The following FRMD4A variants were observed in gnomAD, a reference collection of about 807,000 sequenced individuals.
The protein encoded by FRMD4A is FERM domain-containing protein 4A.
In FRMD4A, 29 loss-of-function variants were observed where a neutral mutation model predicts 129.1. The observed-to-expected ratio is 0.22, with a 90% confidence interval of 0.17 to 0.31. The LOEUF (loss-of-function observed/expected upper bound fraction) is 0.31, where lower values mean the gene tolerates loss of function less well. Among genes scored for constraint, FRMD4A ranks in the 10% least tolerant of loss-of-function variants. The pLI is 1.00. For synonymous variants in FRMD4A, 634 were observed against 571.6 expected (o/e 1.11, Z -1.56); for missense variants, 1,272 against 1,375.8 (o/e 0.92, Z 1.19).
intron 2 of FRMD4A, among the ~76,000 whole-genome samples, chr10:13,915,309 C>T (rs189743379): frequency 6.6e-5 from 10 of 151,824 alleles, no homozygotes; most frequent in African/African-American, 1.9e-4. Flanking sequence ...CGGTTTTCTT[C>T]GAGATTAGAT....
At chr10:14,146,506 T>C (rs1354522787) in intron 2 of FRMD4A, among the ~76,000 whole-genome samples, 4 of 152,228 alleles carry the variant, frequency 2.6e-5, no homozygotes, top group African/African-American at 4.8e-5. Context: ...TTACAACTGT[T>C]GATCCCCATC....
chr10:14,105,482 A>G (rs898277150), intron 2 of FRMD4A, among the ~76,000 whole-genome samples: 4 of 152,240 alleles, frequency 2.6e-5, no homozygotes, highest in African/African-American at 9.6e-5. Flanking sequence ...TGGAGTTACT[A>G]TAAATAATTT....
Position 13,747,748 on chromosome 10 carries a change from GA to G in FRMD4A, c.535del (p.Ser179ProfsTer16). On this transcript the variant is annotated frameshift_variant, in exon 9 of 25. Transcript: ENST00000357447. LOFTEE classifies it high-confidence loss of function. ...LPTQALKEHP[S>X]LAYCEDRVIE... ...CCAGGGGTCTTACCAGTAGGCCAGG[GA>G]AGGGTGCTCCTTCAGGGCTTGGGTG... The G allele has an allele frequency of 1.3e-6, 2 of 1,582,692 alleles. No homozygotes were observed. Among genetic ancestry groups the G allele is most frequent in the Non-Finnish European group, 8.7e-7 (1 of 1,151,588 alleles).
chr10:14,250,665 C>G (rs1449878713), intron 2 of FRMD4A, among the ~76,000 whole-genome samples: 1 of 152,160 alleles, frequency 6.6e-6, no homozygotes, highest in Admixed American at 6.5e-5. Context: ...CTCTTTTAAC[C>G]CAGTCCTTGG....
intron 2 of FRMD4A, among the ~76,000 whole-genome samples, chr10:14,307,004 T>C (rs1001665825): frequency 2.6e-5 from 4 of 152,166 alleles, no homozygotes; most frequent in Admixed American, 6.5e-5. Flanking sequence ...ACTCCTAACA[T>C]AGGAACCAGG....
rs140753134 is a variant in FRMD4A at position 14,086,295 on chromosome 10, G to A, written c.46-227383C>T. Among the ~76,000 whole-genome samples the A allele has an allele frequency of 7.2e-4, 110 of 152,278 alleles. 3 individuals carry two copies. Among genetic ancestry groups the A allele is most frequent in the Admixed American group, 6.5e-3 (99 of 15,290 alleles). The stretch of plus-strand genomic sequence containing the variant: ...GTACAAGCCCACTTGTATGCCTTCC[G>A]TAGACTGAACATGTAATTAATTTTG... On this transcript the variant is annotated intron_variant, in intron 2 of 24. Coordinates refer to ENST00000357447, the MANE Select transcript of FRMD4A (RefSeq NM_018027.5).
intron 2 of FRMD4A, among the ~76,000 whole-genome samples, chr10:14,302,030 C>T (rs146521950): frequency 5.3e-5 from 8 of 152,224 alleles, no homozygotes; most frequent in African/African-American, 1.9e-4. Context: ...GAAACCATCA[C>T]CTCAAGGTCC....
chr10:13,958,281 GTTTTT>G (rs35369777), intron 2 of FRMD4A, among the ~76,000 whole-genome samples: 3 of 104,660 alleles, frequency 2.9e-5, no homozygotes, highest in Admixed American at 2.5e-4. Context: ...CATGACCATT[GTTTTT>G]TTTTTTTTTT....
At chr10:13,957,385 C>A (rs2095416101) in intron 2 of FRMD4A, among the ~76,000 whole-genome samples, 1 of 152,180 alleles carries the variant, frequency 6.6e-6, no homozygotes, top group Non-Finnish European at 1.5e-5. Context: ...TCCCGTCTAG[C>A]TGGGACTACA....
At chr10:13,833,315 C>A (rs557260666) in intron 3 of FRMD4A, among the ~76,000 whole-genome samples, 1 of 152,310 alleles carries the variant, frequency 6.6e-6, no homozygotes, top group Admixed American at 6.5e-5. Context: ...TGCAGGGGAA[C>A]TCCCATTTAT....
At chr10:14,093,113 C>T (rs1042335518) in intron 2 of FRMD4A, among the ~76,000 whole-genome samples, 3 of 152,226 alleles carry the variant, frequency 2.0e-5, no homozygotes, top group East Asian at 1.9e-4. Context: ...GTACAGAGGC[C>T]GTGGAATGAC....
rs765447123 is a variant in FRMD4A, at chr10:13,656,668, G to C, written c.2921C>G (p.Thr974Ser). The C allele has an allele frequency of 6.6e-7, 1 of 1,515,526 alleles. No homozygotes were observed. The highest frequency in any genetic ancestry group is 2.6e-5 in the East Asian group (1 of 38,546). 93.9% of individuals were successfully genotyped at this position (1,515,526 alleles called of 1,614,324 possible). Reference protein sequence around the residue: ...QSTFVAHSRVTRMPQMCKATS... With the variant: ...QSTFVAHSRVSRMPQMCKATS... The stretch of plus-strand genomic sequence containing the variant: ...GGCCTTGCACATCTGGGGCATCCTG[G>C]TGACCCTGCTGTGCGCCACGAAGGT... The change falls in exon 22 of 25, where the codon ACC becomes AGC. Residue 974 changes from threonine (T) to serine (S), a missense_variant. Thr to Ser is a moderately conservative substitution (Grantham distance 58). Coordinates refer to ENST00000357447, the MANE Select transcript of FRMD4A (RefSeq NM_018027.5).
At chr10:13,848,297 TTCTCTCCCTTTTTTTC>T (rs1257173977) in intron 3 of FRMD4A, among the ~76,000 whole-genome samples, 1 of 152,222 alleles carries the variant, frequency 6.6e-6, no homozygotes, top group African/African-American at 2.4e-5. Flanking sequence ...GGGCTAAGTC[TTCTCTCCCTTTTTTTC>T]TCTCTCCCTT....
chr10:14,260,016 G>C (rs1224052307), intron 2 of FRMD4A, among the ~76,000 whole-genome samples: 1 of 112,346 alleles, frequency 8.9e-6, no homozygotes, highest in African/African-American at 3.5e-5. Flanking sequence ...ATATAGTCTA[G>C]AAATGGCAAA....
intron 2 of FRMD4A, among the ~76,000 whole-genome samples, chr10:13,985,850 C>A (rs565602442): frequency 1.3e-5 from 2 of 152,230 alleles, no homozygotes; most frequent in African/African-American, 4.8e-5. Flanking sequence ...CCAGCCCTGG[C>A]GATGCTGATT....
At chr10:13,655,817 G>T (rs914103373) in intron 22 of FRMD4A, 1 of 152,086 alleles carries the variant, frequency 6.6e-6, no homozygotes, top group Non-Finnish European at 1.5e-5. Context: ...CTTCTCCTCA[G>T]TGTCCCTCTC....
Position 13,962,035 on chromosome 10 carries a change from ACACGAATGAATG to A in FRMD4A, c.46-103135_46-103124del, listed in dbSNP as rs1209176619. 6.6e-3 allele frequency among the ~76,000 whole-genome samples: 839 copies of A among 127,658 alleles called. 12 individuals carry two copies. The highest frequency in any genetic ancestry group is 0.023 in the African/African-American group (788 of 34,348). 83.7% of individuals were successfully genotyped at this position (127,658 alleles called of 152,430 possible). ...ATTTGTTAGATAAATGAACAAAAAC[ACACGAATGAATG>A]AATGAATGAATGAATGAATGAATGA... On this transcript the variant is annotated intron_variant, in intron 2 of 24. Coordinates refer to ENST00000357447, the MANE Select transcript of FRMD4A (RefSeq NM_018027.5).
At chr10:14,160,442 C>T (rs1840825848) in intron 2 of FRMD4A, among the ~76,000 whole-genome samples, 1 of 152,198 alleles carries the variant, frequency 6.6e-6, no homozygotes, top group African/African-American at 2.4e-5. Context: ...ACAAGTGGAA[C>T]TACATTAAGC....
intron 17 of FRMD4A, 58 bp downstream of exon 17, chr10:13,670,348 C>A: frequency 6.3e-7 from 1 of 1,577,342 alleles, no homozygotes. Flanking sequence ...GAAGGCCTGA[C>A]CAATGGGAAA....
Sources: gnomAD v4.1 joint callset for allele counts (sites outside exome capture counted in the v4.1 genomes callset) on GRCh38, gnomAD v4.1.1 for gene constraint, MANE v1.5 for transcripts, NCBI Gene and HGNC (gene_info 2026-07-23, HGNC 2026-07-21) for gene names.